Variants in FBP1 observed in about 807,000 individuals in gnomAD.
FBP1 encodes fructose-bisphosphatase 1, also known as fructose-1,6-bisphosphatase 1.
A neutral mutation model predicts 29.9 loss-of-function variants in FBP1; 22 were observed. That is an observed-to-expected ratio of 0.74 (90% CI 0.53 to 1.05). FBP1 has a LOEUF of 1.05. Ranked by LOEUF, FBP1 falls within the 50% of genes least tolerant of loss-of-function variation. The pLI, the probability that FBP1 is intolerant of heterozygous loss-of-function variation, is 0.00. For synonymous variants in FBP1, 175 were observed against 178.6 expected (o/e 0.98, Z 0.16); for missense variants, 345 against 448.2 (o/e 0.77, Z 2.08).
chr9:94,639,390 G>A lies in FBP1; in HGVS notation c.-80C>T. Reference sequence around the variant, plus strand: ...CAGGTGCGGGCGGCAAGAGAGGGCAGTAGGCACTGGCCGCAGGTGCGGAGC... The same window carrying A: ...CAGGTGCGGGCGGCAAGAGAGGGCAATAGGCACTGGCCGCAGGTGCGGAGC... On this transcript the variant is annotated 5_prime_UTR_variant, in exon 1 of 7. Transcript: ENST00000375326. 6.7e-7 allele frequency: 1 copy of A among 1,491,174 alleles called. No homozygotes were observed. Among genetic ancestry groups the A allele is most frequent in the Non-Finnish European group, 9.1e-7 (1 of 1,093,478 alleles). 92.4% of individuals were successfully genotyped at this position (1,491,174 alleles called of 1,614,324 possible).
At chr9:94,629,054 T>C (rs1023557022) in intron 1 of FBP1, among the ~76,000 whole-genome samples, 2 of 152,214 alleles carry the variant, frequency 1.3e-5, no homozygotes, top group Admixed American at 6.5e-5. Context: ...AGATCTTGGC[T>C]TACTGCAACC....
chr9:94,632,112 T>G (rs1160534172), intron 1 of FBP1, among the ~76,000 whole-genome samples: 1 of 152,168 alleles, frequency 6.6e-6, no homozygotes, highest in Non-Finnish European at 1.5e-5. Context: ...CCTAAACGTG[T>G]ATTAGCTGAC....
At chr9:94,635,475 C>T (rs1333397270) in intron 1 of FBP1, among the ~76,000 whole-genome samples, 3 of 152,234 alleles carry the variant, frequency 2.0e-5, no homozygotes, top group African/African-American at 4.8e-5. Context: ...GAGGTTCCTG[C>T]AAATCTGCAA....
chr9:94,605,337 C>T, intron 6 of FBP1, 120 bp downstream of exon 6: 3 of 990,684 alleles, frequency 3.0e-6, no homozygotes, highest in African/African-American at 1.6e-5. Context: ...ATGCTACAGA[C>T]ACACGTAGCA....
At chr9:94,614,036 G>C (rs189245496) in intron 3 of FBP1, among the ~76,000 whole-genome samples, 1 of 150,784 alleles carries the variant, frequency 6.6e-6, no homozygotes, top group Non-Finnish European at 1.5e-5. Context: ...AGCCGAGATC[G>C]TGCTACTGCA....
intron 1 of FBP1, among the ~76,000 whole-genome samples, chr9:94,625,990 C>T (rs1411325148): frequency 5.9e-5 from 9 of 152,210 alleles, no homozygotes; most frequent in East Asian, 1.9e-4. Context: ...CACCAAACCA[C>T]GGCAGGAAAT....
chr9:94,609,654 T>C (rs1411005398), intron 4 of FBP1, among the ~76,000 whole-genome samples: 1 of 152,122 alleles, frequency 6.6e-6, no homozygotes, highest in Non-Finnish European at 1.5e-5. Flanking sequence ...TTTGGGTCAT[T>C]TGAGTAACAG....
At chr9:94,639,008 GAGAGGCGCTCAGACATCAGACGGACAGAC>G in intron 1 of FBP1, 104 bp downstream of exon 1, 1 of 909,410 alleles carries the variant, frequency 1.1e-6, no homozygotes, top group Non-Finnish European at 1.7e-6. Context: ...CAGAGAGCGA[GAGAGGCGCTCAGACATCAGACGGACAGAC>G]AGAGGCTGAC....
intron 1 of FBP1, among the ~76,000 whole-genome samples, chr9:94,634,565 A>G (rs954547146): frequency 6.6e-6 from 1 of 152,240 alleles, no homozygotes; most frequent in Non-Finnish European, 1.5e-5. Context: ...AAAGGAATGC[A>G]AAGTGGACAA....
In FBP1 at chr9:94,622,643, C is replaced by A. The variant is rs141339327; in HGVS notation, c.171-2152G>T. On this transcript the variant is annotated intron_variant, in intron 1 of 6. Coordinates refer to ENST00000375326, the MANE Select transcript of FBP1 (RefSeq NM_000507.4). Reference sequence around the variant, plus strand: ...CTCTTGGCATCATTCCCTTTCCAGCCTGCAAAGCACATCTCATCCCACCAG... The same window carrying A: ...CTCTTGGCATCATTCCCTTTCCAGCATGCAAAGCACATCTCATCCCACCAG... Among the ~76,000 whole-genome samples, 375 of 152,374 alleles carry A rather than the reference C, an allele frequency of 2.5e-3. 2 individuals are homozygous for A. The highest frequency in any genetic ancestry group is 6.9e-3 in the East Asian group (36 of 5,186).
In FBP1 at chr9:94,614,955, C is replaced by T. The variant is rs1827841088; in HGVS notation, c.426+2813G>A. On this transcript the variant is annotated intron_variant, in intron 3 of 6. Coordinates refer to ENST00000375326, the MANE Select transcript of FBP1 (RefSeq NM_000507.4). ...ACAGAGTCTTGCTCTGTCACCCAGG[C>T]TGGAGTGCAGTGGTGCGATCTCGGC... Among the ~76,000 whole-genome samples, 6 of 152,250 alleles carry T rather than the reference C, an allele frequency of 3.9e-5. No individual in the cohort carries two copies. In the South Asian group the frequency reaches 1.2e-3, roughly 32 times the overall value.
intron 1 of FBP1, among the ~76,000 whole-genome samples, chr9:94,637,872 C>G (rs898700858): frequency 1.3e-5 from 2 of 151,776 alleles, no homozygotes; most frequent in Non-Finnish European, 2.9e-5. Flanking sequence ...CACCGGAGGT[C>G]GGGAGTTCGA....
chr9:94,610,224 A>G (rs1827764588), intron 3 of FBP1, among the ~76,000 whole-genome samples, 163 bp from the exon 4 acceptor site: 1 of 152,204 alleles, frequency 6.6e-6, no homozygotes, highest in Non-Finnish European at 1.5e-5. Flanking sequence ...TGATTAGATT[A>G]TCACGGCAGC....
At chr9:94,638,627 G>A (rs1034398183) in intron 1 of FBP1, among the ~76,000 whole-genome samples, 1 of 51,538 alleles carries the variant, frequency 1.9e-5, no homozygotes, top group Admixed American at 2.4e-4. Context: ...CCTGCTTGCG[G>A]GGGGGGCGGG....
chr9:94,615,070 G>A (rs1420653522), intron 3 of FBP1, among the ~76,000 whole-genome samples: 1 of 152,016 alleles, frequency 6.6e-6, no homozygotes, highest in African/African-American at 2.4e-5. Flanking sequence ...CACCACACCC[G>A]GCTGATTTTT....
chr9:94,617,640 A>G, intron 3 of FBP1, 128 bp downstream of exon 3: 2 of 717,668 alleles, frequency 2.8e-6, no homozygotes, highest in Non-Finnish European at 5.1e-6. Flanking sequence ...AGAACTTGAG[A>G]TACAAATCTA....
At chr9:94,603,635 T>C in intron 6 of FBP1, 63 bp from the exon 7 acceptor site, 2 of 1,450,060 alleles carry the variant, frequency 1.4e-6, no homozygotes, top group Non-Finnish European at 1.9e-6. Flanking sequence ...AAAAGAGACT[T>C]TTCTGCAGCA....
intron 1 of FBP1, among the ~76,000 whole-genome samples, chr9:94,623,268 A>T (rs1827974348): frequency 6.6e-6 from 1 of 152,168 alleles, no homozygotes; most frequent in Admixed American, 6.6e-5. Flanking sequence ...TACAGGCATG[A>T]GCCACCGTGC....
Position 94,637,920 on chromosome 9 carries a change from T to TA in FBP1, c.170+1220dup, listed in dbSNP as rs28402372. On this transcript the variant is annotated intron_variant, in intron 1 of 6. Transcript: ENST00000375326. ...CAACATGGAGAAACCCCGTTTCTAC[T>TA]AAAAAAAATTACAAAATTAGCTGGG... is the stretch of plus-strand genomic sequence containing the variant. Among the ~76,000 whole-genome samples the TA allele has an allele frequency of 6.9e-4, 105 of 151,428 alleles. 2 individuals are homozygous for TA. Among genetic ancestry groups the TA allele is most frequent in the African/African-American group, 2.3e-3 (96 of 41,302 alleles).
Sources: gnomAD v4.1 joint callset for allele counts (sites outside exome capture counted in the v4.1 genomes callset) on GRCh38, gnomAD v4.1.1 for gene constraint, MANE v1.5 for transcripts, NCBI Gene and HGNC (gene_info 2026-07-23, HGNC 2026-07-21) for gene names.